Variants in NBEAL1 observed in about 807,000 individuals in gnomAD.
NBEAL1 encodes the protein neurobeachin like 1, also known as neurobeachin-like protein 1.
In NBEAL1, 273 loss-of-function variants were observed where a neutral mutation model predicts 351.3. The observed-to-expected ratio is 0.78, with a 90% CI of 0.70 to 0.86. The LOEUF is 0.86. Ranked by LOEUF, NBEAL1 falls within the 40% of genes least tolerant of loss-of-function variation. The pLI is 0.00. For synonymous variants in NBEAL1, 1,050 were observed against 1,086.4 expected (o/e 0.97, Z 0.66); for missense variants, 2,961 against 3,201.3 (o/e 0.92, Z 1.81).
intron 2 of NBEAL1, among the ~76,000 whole-genome samples, chr2:203,029,313 A>T (rs1435370480): frequency 1.3e-5 from 2 of 152,146 alleles, no homozygotes; most frequent in African/African-American, 4.8e-5. Flanking sequence ...TCTTTACCTG[A>T]CCACCATGTG....
At chr2:203,105,237 C>T (rs916673863) in intron 12 of NBEAL1, among the ~76,000 whole-genome samples, 3 of 151,572 alleles carry the variant, frequency 2.0e-5, no homozygotes, top group East Asian at 2.0e-4. Flanking sequence ...CTGAGGCAGG[C>T]GGATCATGAG....
chr2:203,031,251 A>C lies in NBEAL1; in HGVS notation c.52-10514A>C, dbSNP rs531489211. On this transcript the variant is annotated intron_variant, in intron 2 of 55. Coordinates refer to ENST00000683969, the MANE Select transcript of NBEAL1 (RefSeq NM_001378026.1). ...CCACACATGTATTTCCTTTTCATCTATTTGAGAGTATCTCTCATTTTCAAG... is the reference window on the plus strand; with the variant it reads ...CCACACATGTATTTCCTTTTCATCTCTTTGAGAGTATCTCTCATTTTCAAG... Among the ~76,000 whole-genome samples the C allele has an allele frequency of 6.6e-5, 10 of 152,274 alleles. 1 individual carries two copies. The East Asian group carries it at 1.9e-3, about 29-fold the overall frequency.
chr2:203,132,130 C>T lies in NBEAL1; in HGVS notation c.3722C>T (p.Thr1241Ile). ...AACCTCACCCATCAAATCATAAATACAGGTATGAATAAGGCTAATAAAGCT... is the reference window on the plus strand; with the variant it reads ...AACCTCACCCATCAAATCATAAATATAGGTATGAATAAGGCTAATAAAGCT... ...IKNLTHQIIN[T>I]DPVINFKDLL... Residue 1241 changes from threonine to isoleucine, a missense_variant and splice_region_variant, in exon 26 of 56, where the codon ACA becomes ATA. By Grantham distance (89) the Thr-to-Ile change is moderately conservative (BLOSUM62 -1). Transcript: ENST00000683969. 6.6e-7 allele frequency: 1 copy of T among 1,511,000 alleles called. No homozygotes were observed. The highest frequency in any genetic ancestry group is 1.2e-5 in the South Asian group (1 of 81,448). The allele number at this position is 1,511,000 out of a possible 1,614,324, so 93.6% of individuals were successfully genotyped here.
chr2:203,156,523 C>T (rs1306660615), intron 35 of NBEAL1, among the ~76,000 whole-genome samples: 1 of 152,102 alleles, frequency 6.6e-6, no homozygotes, highest in African/African-American at 2.4e-5. Flanking sequence ...TCATGTACTT[C>T]GTTAATTAAA....
chr2:203,049,520 A>G (rs1316844444), intron 3 of NBEAL1, among the ~76,000 whole-genome samples: 1 of 152,224 alleles, frequency 6.6e-6, no homozygotes, highest in African/African-American at 2.4e-5. Context: ...AAAATAGTAC[A>G]ATTGAAGATA....
chr2:203,102,918 C>T (rs565308111), intron 12 of NBEAL1, among the ~76,000 whole-genome samples: 3 of 152,218 alleles, frequency 2.0e-5, no homozygotes, highest in Admixed American at 1.3e-4. Context: ...TAGAATTTGG[C>T]TGTGCATCTT....
Position 203,084,569 on chromosome 2 carries a change from G to T in NBEAL1, c.1098G>T (p.Lys366Asn). 2.0e-6 allele frequency: 3 copies of T among 1,472,250 alleles called. No homozygotes were observed. The highest frequency in any genetic ancestry group is 2.7e-6 in the Non-Finnish European group (3 of 1,104,080). The allele number at this position is 1,472,250 out of a possible 1,614,324, so 91.2% of individuals were successfully genotyped here. Reference sequence around the variant, plus strand: ...TCATACGACTGCTACAGAACTGCAAGGTATTTTTCTATTATTGTTGTTGTC... The same window carrying T: ...TCATACGACTGCTACAGAACTGCAATGTATTTTTCTATTATTGTTGTTGTC... ...EHLIRLLQNC[K>N]LFLNANNKVA... The change falls in exon 10 of 56, where the codon AAG becomes AAT. Residue 366 changes from lysine (K) to asparagine (N), a missense_variant and splice_region_variant. Transcript: ENST00000683969.
chr2:203,209,047 A>G (rs2065694307), intron 52 of NBEAL1, 114 bp from the exon 53 acceptor site: 1 of 821,576 alleles, frequency 1.2e-6, no homozygotes, highest in Non-Finnish European at 1.9e-6. Context: ...TTGATGGAAT[A>G]ATCATTTTCT....
At chr2:203,216,036 A>C (rs1484082830) in intron 55 of NBEAL1, among the ~76,000 whole-genome samples, 1 of 151,116 alleles carries the variant, frequency 6.6e-6, no homozygotes, top group African/African-American at 2.4e-5. Flanking sequence ...AAACGGTGGA[A>C]TCACCATTAA....
intron 45 of NBEAL1, 126 bp downstream of exon 45, chr2:203,188,715 G>C (rs1232748494): frequency 1.1e-5 from 6 of 562,150 alleles, no homozygotes; most frequent in Non-Finnish European, 1.9e-5. Flanking sequence ...CTTTTTACTT[G>C]AAAGATTAAG....
rs370821097 is a variant in NBEAL1, at chr2:203,108,156, T to C, written c.1917T>C (p.Ala639=). 1.9e-6 allele frequency: 3 copies of C among 1,550,682 alleles called. No individual in the cohort carries two copies. Among genetic ancestry groups the C allele is most frequent in the East Asian group, 4.9e-5 (2 of 40,974 alleles). Residue 639 remains alanine, a synonymous_variant, in exon 14 of 56, where the codon GCT becomes GCC. Transcript: ENST00000683969. ...AGGATCAGTTGACTCTTGGCATTGC[T>C]AACAAAGGAGGGAAAAGGAAACAAT... ...LDQDQLTLGI[A]NKGGKRKQLY...
chr2:203,049,077 G>A (rs1208789164), intron 3 of NBEAL1, among the ~76,000 whole-genome samples: 1 of 151,804 alleles, frequency 6.6e-6, no homozygotes, highest in East Asian at 1.9e-4. Flanking sequence ...CACAATCTTG[G>A]CTCACTGCAA....
intron 54 of NBEAL1, 85 bp downstream of exon 54, chr2:203,211,191 T>G: frequency 9.5e-7 from 1 of 1,050,790 alleles, no homozygotes; most frequent in Middle Eastern, 2.2e-4. Context: ...TCTAAGATTT[T>G]TAATCTTTTG....
At chr2:203,074,312 T>C (rs2061731439) in intron 7 of NBEAL1, among the ~76,000 whole-genome samples, 1 of 130,600 alleles carries the variant, frequency 7.7e-6, no homozygotes, top group Non-Finnish European at 1.6e-5. Context: ...CCTTTTTTCT[T>C]TCTTCTTTTT....
chr2:203,060,034 C>G (rs1157817972), intron 6 of NBEAL1, among the ~76,000 whole-genome samples: 3 of 152,198 alleles, frequency 2.0e-5, no homozygotes, highest in Non-Finnish European at 4.4e-5. Flanking sequence ...CCGCCTTAGA[C>G]TTGTCAGCAA....
chr2:203,065,772 G>A (rs759156506), intron 6 of NBEAL1, among the ~76,000 whole-genome samples: 22 of 151,868 alleles, frequency 1.4e-4, no homozygotes, highest in Non-Finnish European at 3.1e-4. Flanking sequence ...AAAGAAGCCT[G>A]GTTAAATCAA....
At chr2:203,105,308 A>T (rs1008638374) in intron 12 of NBEAL1, among the ~76,000 whole-genome samples, 1 of 151,956 alleles carries the variant, frequency 6.6e-6, no homozygotes, top group African/African-American at 2.4e-5. Flanking sequence ...TAAAAAAAAA[A>T]TACAAAAATT....
At position 203,180,521 on chromosome 2, in the gene NBEAL1, T is replaced by C; in HGVS notation, c.6595+9T>C. On this transcript the variant is annotated intron_variant, in intron 43 of 55. Coordinates refer to ENST00000683969, the MANE Select transcript of NBEAL1 (RefSeq NM_001378026.1). Reference sequence around the variant, plus strand: ...TTTGGAAAATCAAAATCGTAAGAAATAGAGGATTAAAAATTTGACTAGCAG... The same window carrying C: ...TTTGGAAAATCAAAATCGTAAGAAACAGAGGATTAAAAATTTGACTAGCAG... The C allele has an allele frequency of 6.3e-7, 1 of 1,598,124 alleles. No individual in the cohort carries two copies.
chr2:203,166,660 C>T (rs1455026269), intron 37 of NBEAL1, among the ~76,000 whole-genome samples: 2 of 152,038 alleles, frequency 1.3e-5, no homozygotes, highest in African/African-American at 4.8e-5. Context: ...GATTCTCCTG[C>T]CTCAGCCTCC....
Sources: allele counts gnomAD v4.1 joint callset (sites outside exome capture counted in the v4.1 genomes callset), GRCh38; gene constraint gnomAD v4.1.1; transcripts MANE v1.5; gene names NCBI Gene and HGNC (gene_info 2026-07-23, HGNC 2026-07-21).